Variants in OR2M3 observed in about 807,000 individuals in gnomAD.
OR2M3 encodes the protein olfactory receptor 2M3.
OR2M3 carries 1 observed loss-of-function variant against 4.3 expected under a neutral mutation model. The ratio of observed to expected loss-of-function variants is 0.23; its 90% CI spans 0.08 to 1.11. The LOEUF is 1.11. Among genes scored for constraint, OR2M3 ranks in the 50% most tolerant of loss-of-function variants. The pLI, the probability that OR2M3 is intolerant of heterozygous loss-of-function variation, is 0.54. For missense variants in OR2M3, 410 were observed against 390.4 expected, an observed-to-expected ratio of 1.05 and a Z score of -0.42; for synonymous variants, 151 against 139.4, an observed-to-expected ratio of 1.08 and a Z score of -0.59.
intron 1 of OR2M3, 157 bp from the exon 2 acceptor site, chr1:248,202,893 C>A: frequency 1.5e-6 from 1 of 669,656 alleles, no homozygotes; most frequent in Non-Finnish European, 2.5e-6. Flanking sequence ...GTTGAAAGAA[C>A]ATATTTCGTT....
At chr1:248,201,743 A>G (rs928957635) in intron 1 of OR2M3, among the ~76,000 whole-genome samples, 46 of 151,900 alleles carry the variant, frequency 3.0e-4, no homozygotes, top group African/African-American at 1.1e-3. Context: ...ATGATTTCCA[A>G]TTTCATCCAT....
At chr1:248,202,395 A>T (rs900731250) in intron 1 of OR2M3, among the ~76,000 whole-genome samples, 2 of 152,140 alleles carry the variant, frequency 1.3e-5, no homozygotes, top group African/African-American at 2.4e-5. Context: ...TACACTCTTT[A>T]TGTATTTCCA....
rs12562957 is a variant in OR2M3, at chr1:248,203,490, T to C, written c.423T>C (p.Cys141=). The C allele has an allele frequency of 0.17, 269,208 of 1,613,624 alleles. 25,241 individuals carry two copies. The highest frequency in any genetic ancestry group is 0.35 in the East Asian group (15,508 of 44,830). Residue 141 remains cysteine (C), a synonymous_variant, in exon 2 of 2, where the codon TGT becomes TGC. Transcript: ENST00000641626. ...CCAATCTCATGAGCCCTAAAATTTGTGGACTTATGACTGCCTTTTCCTGGA... is the reference window on the plus strand; with the variant it reads ...CCAATCTCATGAGCCCTAAAATTTGCGGACTTATGACTGCCTTTTCCTGGA... The part of the protein sequence containing the change: ...RYTNLMSPKI[C]GLMTAFSWIL...
In OR2M3 at chr1:248,205,670, T is replaced by C. The variant is rs1666216907; in HGVS notation, c.*1664T>C. 6.6e-6 allele frequency: 1 copy of C among 152,130 alleles called. No homozygotes were observed. Among genetic ancestry groups the C allele is most frequent in the Admixed American group, 6.5e-5 (1 of 15,270 alleles). 9.4% of individuals were successfully genotyped at this position (152,130 alleles called of 1,614,324 possible). On this transcript the variant is annotated 3_prime_UTR_variant, in exon 2 of 2. Transcript: ENST00000641626. ...TGTCTATGTCTCTATTTTTATCCAG[T>C]ACCATGCTGTTTTGGTGACTATGGC...
chr1:248,212,069 T>C lies in OR2M3; in HGVS notation c.*8063T>C, dbSNP rs1666288200. On this transcript the variant is annotated 3_prime_UTR_variant, in exon 2 of 2. Coordinates refer to ENST00000641626, the MANE Select transcript of OR2M3 (RefSeq NM_001004689.2). ...AAGAAAATCATGTCCAGCATATAGA[T>C]TAAGTGGTCAAATAGATATTTCCAC... The C allele has an allele frequency of 6.6e-6, 1 of 152,198 alleles. No homozygotes were observed. 9.4% of individuals were successfully genotyped at this position (152,198 alleles called of 1,614,324 possible).
rs1414098337 is a variant in OR2M3, at chr1:248,211,151, C to G, written c.*7145C>G. ...TAAAAGTTAATACACTGGACTTTTACATTTTTAGTCTGTATTTTATAGTCA... is the reference window on the plus strand; with the variant it reads ...TAAAAGTTAATACACTGGACTTTTAGATTTTTAGTCTGTATTTTATAGTCA... On this transcript the variant is annotated 3_prime_UTR_variant, in exon 2 of 2. Coordinates refer to ENST00000641626, the MANE Select transcript of OR2M3 (RefSeq NM_001004689.2). 1.3e-5 allele frequency: 2 copies of G among 152,146 alleles called. No homozygotes were observed. The highest frequency in any genetic ancestry group is 4.8e-5 in the African/African-American group (2 of 41,422). 9.4% of individuals were successfully genotyped at this position (152,146 alleles called of 1,614,324 possible). A position where few individuals can be genotyped will look rare whatever the true frequency, so the allele number is the denominator to read the frequency against.
rs11204612 is a variant in OR2M3, at chr1:248,207,757, A to G, written c.*3751A>G. ...GTCTATCTTGGAGAATGTTCTGTGT[A>G]CTGATGAATAGAATATATACTCTGC... On this transcript the variant is annotated 3_prime_UTR_variant, in exon 2 of 2. Coordinates refer to ENST00000641626, the MANE Select transcript of OR2M3 (RefSeq NM_001004689.2). The G allele has an allele frequency of 0.59, 88,983 of 151,836 alleles. 26,251 individuals are homozygous for G. Among genetic ancestry groups the G allele is most frequent in the Non-Finnish European group, 0.62 (42,204 of 67,872 alleles). 9.4% of individuals were successfully genotyped at this position (151,836 alleles called of 1,614,324 possible).
rs1666250946 is a variant in OR2M3 at position 248,208,864 on chromosome 1, G to A, written c.*4858G>A. 1.3e-5 allele frequency: 2 copies of A among 152,254 alleles called. No homozygotes were observed. The highest frequency in any genetic ancestry group is 2.1e-4 in the South Asian group (1 of 4,822). 9.4% of individuals were successfully genotyped at this position (152,254 alleles called of 1,614,324 possible). On this transcript the variant is annotated 3_prime_UTR_variant, in exon 2 of 2. Coordinates refer to ENST00000641626, the MANE Select transcript of OR2M3 (RefSeq NM_001004689.2). The stretch of plus-strand genomic sequence containing the variant: ...TTCTTTGAGCTTCTTGAGTTTGGAT[G>A]TTTAGATCCAGCAAGGCTGGTAGTA...
chr1:248,208,512 T>G lies in OR2M3; in HGVS notation c.*4506T>G, dbSNP rs962195064. ...TTTCAGCAGTTCTTGTTGTGCAGGC[T>G]TGATAGTGTTGAATTCTCTCAGCAT... is the stretch of plus-strand genomic sequence containing the variant. On this transcript the variant is annotated 3_prime_UTR_variant, in exon 2 of 2. Coordinates refer to ENST00000641626, the MANE Select transcript of OR2M3 (RefSeq NM_001004689.2). 7 of 152,184 alleles carry G rather than the reference T, an allele frequency of 4.6e-5. No individual in the cohort carries two copies. Among genetic ancestry groups the G allele is most frequent in the African/African-American group, 1.4e-4 (6 of 41,454 alleles). 9.4% of individuals were successfully genotyped at this position (152,184 alleles called of 1,614,324 possible). A position where few individuals can be genotyped will look rare whatever the true frequency, so the allele number is the denominator to read the frequency against.
rs983799607 is a variant in OR2M3 at position 248,205,230 on chromosome 1, A to G, written c.*1224A>G. The G allele has an allele frequency of 6.6e-6, 1 of 151,692 alleles. No individual in the cohort carries two copies. The highest frequency in any genetic ancestry group is 1.5e-5 in the Non-Finnish European group (1 of 67,912). 9.4% of individuals were successfully genotyped at this position (151,692 alleles called of 1,614,324 possible). On this transcript the variant is annotated 3_prime_UTR_variant, in exon 2 of 2. Coordinates refer to ENST00000641626, the MANE Select transcript of OR2M3 (RefSeq NM_001004689.2). ...GTATAAATTGTGAAGATTTTCTCCCACTCTATGGGTTGTCTATTTACTCTG... is the reference window on the plus strand; with the variant it reads ...GTATAAATTGTGAAGATTTTCTCCCGCTCTATGGGTTGTCTATTTACTCTG...
intron 1 of OR2M3, among the ~76,000 whole-genome samples, chr1:248,198,188 C>T (rs1163219688): frequency 3.9e-5 from 6 of 151,972 alleles, no homozygotes; most frequent in Non-Finnish European, 7.4e-5. Context: ...CTTTGAAAAA[C>T]AGTTTAACTC....
Position 248,211,804 on chromosome 1 carries a change from G to T in OR2M3, c.*7798G>T, listed in dbSNP as rs998629841. 27 of 152,286 alleles carry T rather than the reference G, an allele frequency of 1.8e-4. No homozygotes were observed. Among genetic ancestry groups the T allele is most frequent in the African/African-American group, 6.0e-4 (25 of 41,564 alleles). The allele number at this position is 152,286 out of a possible 1,614,324, so 9.4% of individuals were successfully genotyped here. A position where few individuals can be genotyped will look rare whatever the true frequency, so the allele number is the denominator to read the frequency against. On this transcript the variant is annotated 3_prime_UTR_variant, in exon 2 of 2. Coordinates refer to ENST00000641626, the MANE Select transcript of OR2M3 (RefSeq NM_001004689.2). ...GCTGAGCTAATTTTTGTATTTTTCA[G>T]TAGAGATGGGGTTTTGCCATAAAAT...
chr1:248,203,539 A>G lies in OR2M3; in HGVS notation c.472A>G (p.Ile158Val), dbSNP rs1403155788. ...SWILGSTDGI[I>V]DVVATFSFSY... ...GATCCTGGGCTCTACGGATGGAATTATTGATGTTGTAGCAACATTTTCCTT... is the reference window on the plus strand; with the variant it reads ...GATCCTGGGCTCTACGGATGGAATTGTTGATGTTGTAGCAACATTTTCCTT... The change falls in exon 2 of 2, where the codon ATT becomes GTT. Residue 158 changes from isoleucine to valine, a missense_variant. By Grantham distance (29) the Ile-to-Val change is conservative. Transcript: ENST00000641626. The G allele has an allele frequency of 1.2e-6, 2 of 1,613,718 alleles. No homozygotes were observed. Among genetic ancestry groups the G allele is most frequent in the Admixed American group, 3.3e-5 (2 of 59,980 alleles).
Position 248,203,800 on chromosome 1 carries a change from C to T in OR2M3, c.733C>T (p.Leu245Phe), listed in dbSNP as rs761742735. The T allele has an allele frequency of 1.9e-6, 3 of 1,613,036 alleles. No individual in the cohort carries two copies. Among genetic ancestry groups the T allele is most frequent in the South Asian group, 1.1e-5 (1 of 91,022 alleles). ...AGCTTTTACTACTTGTTCCTCTCAC[C>T]TCTTGGTGGTGGGAATGTACTATGG... is the stretch of plus-strand genomic sequence containing the variant. Reference protein sequence around the residue: ...RKAFTTCSSHLLVVGMYYGAA... With the variant: ...RKAFTTCSSHFLVVGMYYGAA... The change falls in exon 2 of 2, where the codon CTC becomes TTC. Residue 245 changes from leucine to phenylalanine, a missense_variant. Physicochemically the swap from Leu to Phe is conservative, Grantham distance 22 (BLOSUM62 0). Transcript: ENST00000641626.
Position 248,207,439 on chromosome 1 carries a change from T to G in OR2M3, c.*3433T>G, listed in dbSNP as rs989952916. ...TGTCTCAGACTTTTTGATGTAGGCA[T>G]CTAATGGAATGAACTTTCCTCTTAG... On this transcript the variant is annotated 3_prime_UTR_variant, in exon 2 of 2. Coordinates refer to ENST00000641626, the MANE Select transcript of OR2M3 (RefSeq NM_001004689.2). 6.6e-6 allele frequency: 1 copy of G among 152,104 alleles called. No individual in the cohort carries two copies. Among genetic ancestry groups the G allele is most frequent in the Non-Finnish European group, 1.5e-5 (1 of 67,958 alleles). The allele number at this position is 152,104 out of a possible 1,614,324, so 9.4% of individuals were successfully genotyped here.
chr1:248,198,925 G>T (rs939000824), intron 1 of OR2M3, among the ~76,000 whole-genome samples: 1 of 150,346 alleles, frequency 6.7e-6, no homozygotes, highest in Non-Finnish European at 1.5e-5. Context: ...ATTGCCCTGG[G>T]TATGTGCAAA....
At position 248,206,654 on chromosome 1, in the gene OR2M3, A is replaced by G. The variant is rs1297615604; in HGVS notation, c.*2648A>G. 2 of 151,822 alleles carry G rather than the reference A, an allele frequency of 1.3e-5. No homozygotes were observed. Among genetic ancestry groups the G allele is most frequent in the Admixed American group, 6.6e-5 (1 of 15,242 alleles). 9.4% of individuals were successfully genotyped at this position (151,822 alleles called of 1,614,324 possible). A position where few individuals can be genotyped will look rare whatever the true frequency, so the allele number is the denominator to read the frequency against. The stretch of plus-strand genomic sequence containing the variant: ...ACCATCCCTACATCCCTGGTATGAA[A>G]CTCACTTAATTATGGGTGGATTAGC... On this transcript the variant is annotated 3_prime_UTR_variant, in exon 2 of 2. Coordinates refer to ENST00000641626, the MANE Select transcript of OR2M3 (RefSeq NM_001004689.2).
rs1401438241 is a variant in OR2M3, at chr1:248,208,344, C to T, written c.*4338C>T. ...TTGAGATGTGAGGTACTATTCTATA[C>T]ATCGTGCTATTTGTTACCTGAATAT... On this transcript the variant is annotated 3_prime_UTR_variant, in exon 2 of 2. Coordinates refer to ENST00000641626, the MANE Select transcript of OR2M3 (RefSeq NM_001004689.2). 6.6e-6 allele frequency: 1 copy of T among 152,114 alleles called. No individual in the cohort carries two copies. Among genetic ancestry groups the T allele is most frequent in the Non-Finnish European group, 1.5e-5 (1 of 68,010 alleles). 9.4% of individuals were successfully genotyped at this position (152,114 alleles called of 1,614,324 possible). A position where few individuals can be genotyped will look rare whatever the true frequency, so the allele number is the denominator to read the frequency against.
Position 248,212,878 on chromosome 1 carries a change from C to T in OR2M3, c.*8872C>T, listed in dbSNP as rs1387834651. On this transcript the variant is annotated 3_prime_UTR_variant, in exon 2 of 2. Transcript: ENST00000641626. ...TTACTAATAATTTAACATGTTTTTA[C>T]ATCATTTTGTTTTATTCATATTATA... is the stretch of plus-strand genomic sequence containing the variant. 2 of 151,636 alleles carry T rather than the reference C, an allele frequency of 1.3e-5. No homozygotes were observed. The highest frequency in any genetic ancestry group is 4.8e-5 in the African/African-American group (2 of 41,248). 9.4% of individuals were successfully genotyped at this position (151,636 alleles called of 1,614,324 possible). A position where few individuals can be genotyped will look rare whatever the true frequency, so the allele number is the denominator to read the frequency against.
Sources: allele counts gnomAD v4.1 joint callset (sites outside exome capture counted in the v4.1 genomes callset), GRCh38; gene constraint gnomAD v4.1.1; transcripts MANE v1.5; gene names NCBI Gene and HGNC (gene_info 2026-07-23, HGNC 2026-07-21).